Variants in FBN2 observed in about 807,000 individuals in gnomAD.
FBN2 encodes fibrillin 2.
A neutral mutation model predicts 355.6 loss-of-function variants in FBN2; 105 were observed. The observed-to-expected ratio is 0.30, with a 90% CI of 0.25 to 0.35. The LOEUF is 0.35. Among genes scored for constraint, FBN2 ranks in the 10% least tolerant of loss-of-function variants. The probability of loss-of-function intolerance (pLI) is 1.00; values close to 1 mark genes in which losing one functional copy is unlikely to be tolerated. For synonymous variants in FBN2, 1,350 were observed against 1,301.2 expected, an observed-to-expected ratio of 1.04 and a Z score of -0.81; for missense variants, 3,280 against 3,758.7, an observed-to-expected ratio of 0.87 and a Z score of 3.33.
intron 25 of FBN2, among the ~76,000 whole-genome samples, chr5:128,340,292 T>C (rs1450926311): frequency 6.6e-6 from 1 of 152,216 alleles, no homozygotes; most frequent in Non-Finnish European, 1.5e-5. Flanking sequence ...TTGTGCATGT[T>C]CTCTTGAGAG....
intron 18 of FBN2, among the ~76,000 whole-genome samples, chr5:128,362,592 A>G (rs1341642403): frequency 6.6e-6 from 1 of 152,202 alleles, no homozygotes; most frequent in East Asian, 1.9e-4. Context: ...TTCCAAAAGT[A>G]GCTAAGAATA....
At chr5:128,349,221 C>T in intron 23 of FBN2, 126 bp downstream of exon 23, 1 of 1,093,406 alleles carries the variant, frequency 9.1e-7, no homozygotes. Context: ...TGATTTCCCC[C>T]TAAATATCTC....
At chr5:128,385,862 C>T (rs1752353685) in intron 11 of FBN2, among the ~76,000 whole-genome samples, 1 of 151,920 alleles carries the variant, frequency 6.6e-6, no homozygotes, top group African/African-American at 2.4e-5. Context: ...CTGCTCATGT[C>T]CTTTACCCAT....
At chr5:128,332,223 G>A (rs1447788864) in intron 32 of FBN2, among the ~76,000 whole-genome samples, 1 of 152,144 alleles carries the variant, frequency 6.6e-6, no homozygotes. Context: ...AGTGAGTTTA[G>A]CTTGCTTTCT....
chr5:128,386,363 C>T (rs889673776), intron 11 of FBN2, among the ~76,000 whole-genome samples: 3 of 151,810 alleles, frequency 2.0e-5, no homozygotes, highest in Non-Finnish European at 4.4e-5. Flanking sequence ...GGTTCTCTAA[C>T]CTGTTCCATT....
At chr5:128,260,497 A>T (rs1172968798) in intron 64 of FBN2, among the ~76,000 whole-genome samples, 7 of 152,218 alleles carry the variant, frequency 4.6e-5, no homozygotes, top group African/African-American at 1.2e-4. Flanking sequence ...GATAAAAACC[A>T]CAATGCTTTG....
intron 36 of FBN2, 121 bp from the exon 37 acceptor site, chr5:128,312,916 T>A: frequency 8.9e-7 from 1 of 1,121,452 alleles, no homozygotes; most frequent in Non-Finnish European, 1.3e-6. Context: ...AGGTTCCTTT[T>A]AATCCTTAAG....
At chr5:128,390,907 T>C (rs144220650) in intron 11 of FBN2, among the ~76,000 whole-genome samples, 107 of 152,350 alleles carry the variant, frequency 7.0e-4, no homozygotes, top group African/African-American at 2.5e-3. Context: ...GTATGCTTGA[T>C]TGTTTCTCAG....
At chr5:128,470,544 C>G (rs1754831875) in intron 5 of FBN2, among the ~76,000 whole-genome samples, 1 of 152,030 alleles carries the variant, frequency 6.6e-6, no homozygotes. Flanking sequence ...TTGCTTTTGT[C>G]TGTCAGATGT....
At chr5:128,504,067 G>T (rs930185618) in intron 5 of FBN2, among the ~76,000 whole-genome samples, 1 of 152,212 alleles carries the variant, frequency 6.6e-6, no homozygotes, top group Non-Finnish European at 1.5e-5. Flanking sequence ...TTCAGAGGTT[G>T]TAAGCCCTAA....
rs1801171 is a variant in FBN2, at chr5:128,259,452, G to T, written c.*3C>A. ...TTGAGCCTGGGCCCAAGTCTGTGAA[G>T]GGTTAATAGAGCTGAATCTGCAGCC... is the stretch of plus-strand genomic sequence containing the variant. On this transcript the variant is annotated 3_prime_UTR_variant, in exon 65 of 65. Coordinates refer to ENST00000262464, the MANE Select transcript of FBN2 (RefSeq NM_001999.4). 1.6e-5 allele frequency: 26 copies of T among 1,612,802 alleles called. No homozygotes were observed. In the South Asian group the frequency reaches 2.7e-4, roughly 17 times the overall value.
chr5:128,499,375 T>C (rs1184596541), intron 5 of FBN2, among the ~76,000 whole-genome samples: 3 of 152,174 alleles, frequency 2.0e-5, no homozygotes, highest in Admixed American at 6.5e-5. Context: ...AAGGGCCTCA[T>C]GCTATACCAA....
Position 128,349,479 on chromosome 5 carries a change from G to A in FBN2, c.2864-7C>T. ...ACCTCACACTCATTAACATCTGCAG[G>A]GAAATGCAGCAAGCAGAGGAGCAAA... is the stretch of plus-strand genomic sequence containing the variant. On this transcript the variant is annotated splice_region_variant and splice_polypyrimidine_tract_variant and intron_variant, in intron 22 of 64. Transcript: ENST00000262464. 6.2e-7 allele frequency: 1 copy of A among 1,613,710 alleles called. No homozygotes were observed. The highest frequency in any genetic ancestry group is 8.5e-7 in the Non-Finnish European group (1 of 1,179,814).
chr5:128,505,084 C>T (rs1371723590), intron 5 of FBN2, among the ~76,000 whole-genome samples: 1 of 152,178 alleles, frequency 6.6e-6, no homozygotes, highest in African/African-American at 2.4e-5. Flanking sequence ...TGATTCTGCT[C>T]CTCATTTGCC....
At position 128,311,282 on chromosome 5, in the gene FBN2, G is replaced by A. The variant is rs753897863; in HGVS notation, c.5074+18C>T. On this transcript the variant is annotated intron_variant, in intron 39 of 64. Transcript: ENST00000262464. ...TTTTAAACAGCACTGAGCATTTTAG[G>A]CATCAAATTCATCTCACCTTCACAG... 1 of 1,613,788 alleles carries A rather than the reference G, an allele frequency of 6.2e-7. No homozygotes were observed. The highest frequency in any genetic ancestry group is 8.5e-7 in the Non-Finnish European group (1 of 1,179,836).
Position 128,476,595 on chromosome 5 carries a change from T to A in FBN2, c.629-11674A>T, listed in dbSNP as rs376071916. On this transcript the variant is annotated intron_variant, in intron 5 of 64. Transcript: ENST00000262464. The stretch of plus-strand genomic sequence containing the variant: ...TAAGAGGATATAAGATTTATCTAAC[T>A]AAAAAATATAGTGAAATAAAAAGAG... Among the ~76,000 whole-genome samples the A allele has an allele frequency of 2.6e-5, 4 of 151,384 alleles. No individual in the cohort carries two copies. In the South Asian group the frequency reaches 8.3e-4, roughly 32 times the overall value.
chr5:128,467,764 T>G (rs754218364), intron 5 of FBN2, among the ~76,000 whole-genome samples: 1 of 152,172 alleles, frequency 6.6e-6, no homozygotes, highest in Non-Finnish European at 1.5e-5. Flanking sequence ...CGTTATGACA[T>G]GACCAAGAAA....
intron 5 of FBN2, among the ~76,000 whole-genome samples, chr5:128,504,840 T>C (rs754258777): frequency 6.6e-6 from 1 of 152,092 alleles, no homozygotes; most frequent in East Asian, 1.9e-4. Context: ...GACATGAGAT[T>C]TGGGAGGAGC....
chr5:128,349,872 T>C, intron 22 of FBN2, 83 bp downstream of exon 22: 2 of 1,058,696 alleles, frequency 1.9e-6, no homozygotes, highest in Non-Finnish European at 2.9e-6. Flanking sequence ...AAATGATAAA[T>C]ATCTCCAAAG....
Sources: allele counts gnomAD v4.1 joint callset (sites outside exome capture counted in the v4.1 genomes callset), GRCh38; gene constraint gnomAD v4.1.1; transcripts MANE v1.5; gene names NCBI Gene and HGNC (gene_info 2026-07-23, HGNC 2026-07-21).